DCLRE1C: variants seen among roughly 807,000 people sequenced by gnomAD.
The protein encoded by DCLRE1C is DNA cross-link repair 1C, also known as protein artemis.
Under a neutral mutation model 61.4 loss-of-function variants are expected in DCLRE1C, and 47 were observed. The observed-to-expected ratio is 0.77, with a 90% CI of 0.61 to 0.98. The LOEUF is 0.98. Ranked by LOEUF, DCLRE1C falls within the 50% of genes least tolerant of loss-of-function variation. DCLRE1C has a pLI of 0.00. For missense variants in DCLRE1C, 858 were observed against 816.0 expected (o/e 1.05, Z -0.63); for synonymous variants, 337 against 287.6 (o/e 1.17, Z -1.74).
chr10:14,942,828 C>T (rs1191984551), intron 3 of DCLRE1C, among the ~76,000 whole-genome samples: 1 of 152,024 alleles, frequency 6.6e-6, no homozygotes, highest in Admixed American at 6.6e-5. Context: ...CTGCAAGCAG[C>T]TTAAGAGCAA....
chr10:14,917,086 A>C (rs544275627), intron 13 of DCLRE1C, among the ~76,000 whole-genome samples: 1 of 152,246 alleles, frequency 6.6e-6, no homozygotes, highest in South Asian at 2.1e-4. Flanking sequence ...AATCCAGAAA[A>C]TAATCTCCAC....
In DCLRE1C at chr10:14,909,279, T is replaced by C. The variant is rs1588896251; in HGVS notation, c.1208A>G (p.His403Arg). ...FDDPLPIPLR[H>R]KVPYPETFHP... The stretch of plus-strand genomic sequence containing the variant: ...AAAAGTTTCCGGGTATGGAACTTTG[T>C]GCCTTAAAGGTATTGGCAGAGGATC... Residue 403 changes from histidine to arginine, a missense_variant, in exon 14 of 14, where the codon CAC becomes CGC. His to Arg is a conservative substitution (Grantham distance 29, BLOSUM62 0). This residue lies in a region of DCLRE1C where 843 missense variants were observed against 783.5 expected (regional missense o/e 1.08). Transcript: ENST00000378278. 6.2e-7 allele frequency: 1 copy of C among 1,613,872 alleles called. No individual in the cohort carries two copies. The highest frequency in any genetic ancestry group is 1.7e-5 in the Admixed American group (1 of 59,972).
At position 14,932,790 on chromosome 10, in the gene DCLRE1C, C is replaced by T. The variant is rs551843652; in HGVS notation, c.780+64G>A. ...AAGCGAAGAGCCTATAAATGGAAGC[C>T]CTGACCTTTCTTCTTTTTCATAGAT... On this transcript the variant is annotated intron_variant, in intron 9 of 13. Transcript: ENST00000378278. The T allele has an allele frequency of 2.9e-5, 46 of 1,584,394 alleles. 1 individual carries two copies. The South Asian group carries it at 4.9e-4, about 17-fold the overall frequency.
At chr10:14,910,459 C>G (rs1176568675) in intron 13 of DCLRE1C, among the ~76,000 whole-genome samples, 1 of 152,180 alleles carries the variant, frequency 6.6e-6, no homozygotes, top group Non-Finnish European at 1.5e-5. Flanking sequence ...GATCCACCCC[C>G]ATGCCCAGCT....
chr10:14,940,653 G>A (rs1840719088), intron 3 of DCLRE1C, among the ~76,000 whole-genome samples: 1 of 152,188 alleles, frequency 6.6e-6, no homozygotes, highest in African/African-American at 2.4e-5. Flanking sequence ...TCAAAACAGA[G>A]ACTAGCACAT....
At chr10:14,909,607 G>GT (rs1406367283) in intron 13 of DCLRE1C, among the ~76,000 whole-genome samples, 1 of 117,826 alleles carries the variant, frequency 8.5e-6, no homozygotes, top group East Asian at 2.6e-4. Flanking sequence ...TTCAAAAAAA[G>GT]AAAAAAAAAA....
downstream of DCLRE1C, among the ~76,000 whole-genome samples, chr10:14,904,537 C>A (rs1231087139): frequency 7.2e-5 from 11 of 151,846 alleles, no homozygotes; most frequent in Non-Finnish European, 1.2e-4. Context: ...GTTATTTGAT[C>A]TTGTCCACTT....
intron 13 of DCLRE1C, among the ~76,000 whole-genome samples, chr10:14,913,743 A>C (rs1246020397): frequency 1.3e-5 from 2 of 152,224 alleles, no homozygotes; most frequent in Non-Finnish European, 2.9e-5. Flanking sequence ...GGTATAAGTA[A>C]TCCAGAGATG....
At chr10:14,909,871 TA>T (rs1834958902) in intron 13 of DCLRE1C, among the ~76,000 whole-genome samples, 1 of 152,232 alleles carries the variant, frequency 6.6e-6, no homozygotes, top group African/African-American at 2.4e-5. Context: ...AAATCAACTT[TA>T]AAGCAAAATA....
At chr10:14,928,356 C>T (rs1215108008) in intron 9 of DCLRE1C, among the ~76,000 whole-genome samples, 1 of 152,108 alleles carries the variant, frequency 6.6e-6, no homozygotes, top group Non-Finnish European at 1.5e-5. Context: ...GGGCTGGACT[C>T]TTCAAAACCA....
intron 3 of DCLRE1C, among the ~76,000 whole-genome samples, chr10:14,940,282 GTTCTT>G (rs1840649923): frequency 7.8e-6 from 1 of 128,134 alleles, no homozygotes; most frequent in South Asian, 2.6e-4. Flanking sequence ...TTCATACACG[GTTCTT>G]TTATTTTTTT....
At chr10:14,921,942 A>G (rs188945012) in intron 12 of DCLRE1C, among the ~76,000 whole-genome samples, 1 of 152,174 alleles carries the variant, frequency 6.6e-6, no homozygotes, top group Non-Finnish European at 1.5e-5. Context: ...TTCCATCGAC[A>G]TCTGCAAGCC....
In DCLRE1C at chr10:14,898,202, C is replaced by CTTTTTTTTTTTTTTTTTTT. The variant is rs919860514; in HGVS notation, c.*943_*961dup. 18 of 56,150 alleles carry CTTTTTTTTTTTTTTTTTTT rather than the reference C, an allele frequency of 3.2e-4. 1 individual carries two copies. The highest frequency in any genetic ancestry group is 5.0e-4 in the Non-Finnish European group (14 of 28,186). 3.5% of individuals were successfully genotyped at this position (56,150 alleles called of 1,614,324 possible). On this transcript the variant is annotated 3_prime_UTR_variant, in exon 14 of 14. Coordinates refer to the DCLRE1C transcript ENST00000378289. ...AAAACTCAGTGAGGTAGTACTGTTT[C>CTTTTTTTTTTTTTTTTTTT]TTTTTTTTTTTTTTTTTTTTTTTTT...
rs1473667493 is a variant in DCLRE1C at position 14,908,991 on chromosome 10, A to T, written c.1496T>A (p.Ile499Asn). 1 of 1,613,856 alleles carries T rather than the reference A, an allele frequency of 6.2e-7. No individual in the cohort carries two copies. The highest frequency in any genetic ancestry group is 1.3e-5 in the African/African-American group (1 of 74,870). ...GAAGTTTTCCAAACTCTCATCTGTG[A>T]TTTCATCATTTCTTTTAAAGAATAC... ...WEVFFKRNDE[I>N]TDESLENFPS... is the part of the protein sequence containing the mutation. The change falls in exon 14 of 14, where the codon ATC (isoleucine) becomes AAC (asparagine). Residue 499 changes from isoleucine to asparagine, a missense_variant. This residue lies in a region of DCLRE1C where 843 missense variants were observed against 783.5 expected (regional missense o/e 1.08). Coordinates refer to ENST00000378278, the MANE Select transcript of DCLRE1C (RefSeq NM_001033855.3).
chr10:14,930,479 C>T (rs1273752714), intron 9 of DCLRE1C, among the ~76,000 whole-genome samples: 2 of 151,902 alleles, frequency 1.3e-5, no homozygotes, highest in Non-Finnish European at 2.9e-5. Context: ...GTCACCCAGA[C>T]TGGAGTGCAG....
intron 2 of DCLRE1C, among the ~76,000 whole-genome samples, chr10:14,947,896 C>T (rs1208573784): frequency 6.6e-6 from 1 of 151,914 alleles, no homozygotes; most frequent in African/African-American, 2.4e-5. Flanking sequence ...CCCTCTCTAC[C>T]GAAAATACAA....
Position 14,908,701 on chromosome 10 carries a change from T to C in DCLRE1C, c.1786A>G (p.Ile596Val). The change falls in exon 14 of 14, where the codon ATT (isoleucine) becomes GTT (valine). Residue 596 changes from isoleucine to valine, a missense_variant. By Grantham distance (29) the Ile-to-Val change is conservative. Coordinates refer to ENST00000378278, the MANE Select transcript of DCLRE1C (RefSeq NM_001033855.3). ...IPASLMEQNV[I>V]CPKDTYSDLK... ...TCAGAGTAAGTATCCTTTGGGCAAA[T>C]TACATTTTGTTCCATGAGAGAGGCA... The C allele has an allele frequency of 1.2e-6, 2 of 1,614,210 alleles. No homozygotes were observed. The highest frequency in any genetic ancestry group is 1.7e-6 in the Non-Finnish European group (2 of 1,180,038).
At chr10:14,931,280 G>C (rs1037876117) in intron 9 of DCLRE1C, among the ~76,000 whole-genome samples, 31 of 152,210 alleles carry the variant, frequency 2.0e-4, no homozygotes, top group Admixed American at 2.0e-3. Context: ...AACGAATGAG[G>C]CTGGGTGTGG....
intron 1 of DCLRE1C, among the ~76,000 whole-genome samples, chr10:14,950,614 G>A (rs181905281): frequency 6.6e-6 from 1 of 152,266 alleles, no homozygotes; most frequent in African/African-American, 2.4e-5. Context: ...CAGTCTTTTA[G>A]GGCCTATGGG....
Sources: allele counts gnomAD v4.1 joint callset (sites outside exome capture counted in the v4.1 genomes callset), GRCh38; gene constraint gnomAD v4.1.1; regional missense constraint gnomAD v4.1.1; transcripts MANE v1.5; gene names NCBI Gene and HGNC (gene_info 2026-07-23, HGNC 2026-07-21).